The following CDH18 variants were observed in gnomAD, a reference collection of about 807,000 sequenced individuals.
The protein encoded by CDH18 is cadherin 18.
A neutral mutation model predicts 67.9 loss-of-function variants in CDH18; 31 were observed. The observed-to-expected ratio is 0.46, with a 90% CI of 0.34 to 0.62. CDH18 has a LOEUF of 0.62. Ranked by LOEUF, CDH18 falls within the 20% of genes least tolerant of loss-of-function variation. CDH18 has a pLI of 0.01. For missense variants in CDH18, 890 were observed against 975.5 expected (o/e 0.91, Z 1.17); for synonymous variants, 362 against 347.2 (o/e 1.04, Z -0.48).
intron 1 of CDH18, among the ~76,000 whole-genome samples, chr5:20,565,684 G>T (rs1174460157): frequency 6.6e-6 from 1 of 151,470 alleles, no homozygotes; most frequent in Non-Finnish European, 1.5e-5. Flanking sequence ...TGGGGAGTAA[G>T]CCTGCATATA....
chr5:20,317,278 A>G (rs540612735), intron 1 of CDH18, among the ~76,000 whole-genome samples: 1 of 152,198 alleles, frequency 6.6e-6, no homozygotes, highest in South Asian at 2.1e-4. Flanking sequence ...CTGTGTAAAG[A>G]AGCATTTATT....
At chr5:19,926,983 AAAAAT>A (rs1793160582) in intron 2 of CDH18, among the ~76,000 whole-genome samples, 1 of 152,170 alleles carries the variant, frequency 6.6e-6, no homozygotes. Context: ...TTTATAAAGA[AAAAAT>A]AAGCGTTAAA....
intron 1 of CDH18, among the ~76,000 whole-genome samples, chr5:20,288,118 T>C (rs573956454): frequency 4.6e-5 from 7 of 151,720 alleles, no homozygotes; most frequent in Non-Finnish European, 7.4e-5. Context: ...GCAACCTACA[T>C]AGAAAATGAA....
chr5:20,237,139 A>G (rs1055730782), intron 2 of CDH18, among the ~76,000 whole-genome samples: 1 of 151,938 alleles, frequency 6.6e-6, no homozygotes, highest in African/African-American at 2.4e-5. Flanking sequence ...CCTAATGAAA[A>G]TTCTCAAGAA....
intron 6 of CDH18, among the ~76,000 whole-genome samples, chr5:19,609,791 C>T (rs1375896584): frequency 6.6e-6 from 1 of 151,958 alleles, no homozygotes; most frequent in Non-Finnish European, 1.5e-5. Context: ...AAAAACCTCA[C>T]ATTAAGAGAA....
At chr5:20,207,683 C>G (rs1474998899) in intron 2 of CDH18, among the ~76,000 whole-genome samples, 1 of 152,010 alleles carries the variant, frequency 6.6e-6, no homozygotes, top group African/African-American at 2.4e-5. Context: ...CCCACAGGTC[C>G]CTCCCACAAC....
intron 1 of CDH18, among the ~76,000 whole-genome samples, chr5:20,484,780 C>T (rs1325030871): frequency 6.6e-6 from 1 of 151,712 alleles, no homozygotes; most frequent in Non-Finnish European, 1.5e-5. Flanking sequence ...GAGAGTAGAA[C>T]GATGGTTACC....
rs536752681 is a variant in CDH18 at position 19,778,625 on chromosome 5, T to C, written c.229-31389A>G. Among the ~76,000 whole-genome samples, 19 of 152,254 alleles carry C rather than the reference T, an allele frequency of 1.2e-4. 1 individual carries two copies. The highest frequency in any genetic ancestry group is 9.8e-4 in the Admixed American group (15 of 15,284). ...CTCTGGTTTTCCTCTTTACCAGCCT[T>C]AAAACAAGACTCAGGAAACTGTCAC... On this transcript the variant is annotated intron_variant, in intron 3 of 12. Coordinates refer to ENST00000382275, the MANE Select transcript of CDH18 (RefSeq NM_004934.5).
intron 10 of CDH18, among the ~76,000 whole-genome samples, chr5:19,507,984 C>T (rs1022933740): frequency 2.6e-5 from 4 of 151,758 alleles, no homozygotes; most frequent in Non-Finnish European, 5.9e-5. Flanking sequence ...TTAACAATGT[C>T]CCAATCATCT....
chr5:20,356,193 G>A (rs989858979), intron 1 of CDH18, among the ~76,000 whole-genome samples: 6 of 152,124 alleles, frequency 3.9e-5, no homozygotes, highest in African/African-American at 1.4e-4. Flanking sequence ...GACCAGCTTG[G>A]CTAATGTGGT....
At chr5:20,275,662 G>C (rs746330909) in intron 1 of CDH18, among the ~76,000 whole-genome samples, 1 of 152,122 alleles carries the variant, frequency 6.6e-6, no homozygotes, top group Non-Finnish European at 1.5e-5. Flanking sequence ...AGCCTTCACT[G>C]ATTAACCTCC....
At chr5:19,736,355 G>T (rs2150670711) in intron 4 of CDH18, among the ~76,000 whole-genome samples, 1 of 152,238 alleles carries the variant, frequency 6.6e-6, no homozygotes, top group African/African-American at 2.4e-5. Context: ...CTGCACTCTA[G>T]CTAGCCTGGG....
Position 20,121,524 on chromosome 5 carries a change from T to C in CDH18, c.-517-129510A>G, listed in dbSNP as rs956069121. On this transcript the variant is annotated intron_variant, in intron 2 of 14. Coordinates refer to the CDH18 transcript ENST00000507958. ...TAGGAAACAGCAAAAACTTTCCTGC[T>C]CAAGAGAAAAGATGAAAATGGGGCA... is the stretch of plus-strand genomic sequence containing the variant. Among the ~76,000 whole-genome samples the C allele has an allele frequency of 1.9e-4, 29 of 152,046 alleles. 1 individual carries two copies. Among genetic ancestry groups the C allele is most frequent in the Admixed American group, 1.8e-3 (27 of 15,260 alleles).
At chr5:20,028,256 T>C (rs1739090769) in intron 2 of CDH18, among the ~76,000 whole-genome samples, 1 of 152,160 alleles carries the variant, frequency 6.6e-6, no homozygotes, top group Admixed American at 6.6e-5. Context: ...GGAAAACAGT[T>C]CTTTCTCCTA....
chr5:20,518,174 C>A (rs1755495056), intron 1 of CDH18, among the ~76,000 whole-genome samples: 1 of 152,028 alleles, frequency 6.6e-6, no homozygotes, highest in Non-Finnish European at 1.5e-5. Context: ...CTGGGAAAAT[C>A]AATGAGACAA....
At chr5:19,584,949 CGCACCA>C (rs1216699347) in intron 7 of CDH18, among the ~76,000 whole-genome samples, 1 of 150,790 alleles carries the variant, frequency 6.6e-6, no homozygotes, top group East Asian at 2.0e-4. Context: ...GAGTCAAGAT[CGCACCA>C]CTGCACTCCA....
At chr5:19,636,506 A>T (rs1472680626) in intron 5 of CDH18, among the ~76,000 whole-genome samples, 1 of 152,064 alleles carries the variant, frequency 6.6e-6, no homozygotes, top group East Asian at 1.9e-4. Context: ...AGTGTAAAAA[A>T]TAATGTGTTT....
intron 5 of CDH18, among the ~76,000 whole-genome samples, chr5:19,676,212 T>A (rs1296580368): frequency 6.6e-6 from 1 of 151,988 alleles, no homozygotes; most frequent in Non-Finnish European, 1.5e-5. Context: ...CCCTATCAAA[T>A]CTACGACTCA....
chr5:20,334,629 A>G (rs1343880118), intron 1 of CDH18, among the ~76,000 whole-genome samples: 1 of 152,162 alleles, frequency 6.6e-6, no homozygotes, highest in Non-Finnish European at 1.5e-5. Flanking sequence ...TATGGGGTGA[A>G]AGAAGAATAG....
Sources: allele counts gnomAD v4.1 joint callset (sites outside exome capture counted in the v4.1 genomes callset), GRCh38; gene constraint gnomAD v4.1.1; transcripts MANE v1.5; gene names NCBI Gene and HGNC (gene_info 2026-07-23, HGNC 2026-07-21).